The following FAM227A variants were observed in gnomAD, a reference collection of about 807,000 sequenced individuals.
FAM227A encodes protein FAM227A.
In FAM227A, 80 loss-of-function variants were observed where a neutral mutation model predicts 74.7. That is an observed-to-expected ratio of 1.07 (90% CI 0.89 to 1.29). FAM227A has a LOEUF of 1.29. Ranked by LOEUF, FAM227A falls within the 50% of genes most tolerant of loss-of-function variation. The pLI is 0.00. For synonymous variants in FAM227A, 237 were observed against 241.8 expected (o/e 0.98, Z 0.19); for missense variants, 654 against 683.4 (o/e 0.96, Z 0.48).
intron 10 of FAM227A, 27 bp from the exon 11 acceptor site, chr22:38,620,318 A>G: frequency 6.7e-7 from 1 of 1,498,766 alleles, no homozygotes; most frequent in Non-Finnish European, 9.1e-7. Flanking sequence ...GCTGTTATTA[A>G]TTCCTCTTGT....
chr22:38,631,451 G>A (rs2091913923), intron 6 of FAM227A, among the ~76,000 whole-genome samples: 1 of 152,060 alleles, frequency 6.6e-6, no homozygotes, highest in Admixed American at 6.6e-5. Context: ...TTGTTATTTG[G>A]GAAATGGGTT....
chr22:38,595,738 A>G (rs2091028776), intron 15 of FAM227A, among the ~76,000 whole-genome samples: 1 of 152,252 alleles, frequency 6.6e-6, no homozygotes, highest in Non-Finnish European at 1.5e-5. Flanking sequence ...CTGACATGAT[A>G]TGCCTCCTAA....
intron 14 of FAM227A, among the ~76,000 whole-genome samples, chr22:38,598,128 G>A (rs768579816): frequency 3.3e-5 from 5 of 149,856 alleles, no homozygotes; most frequent in South Asian, 2.1e-4. Flanking sequence ...AGCTACACTC[G>A]CCACAAGCTG....
In FAM227A at chr22:38,582,755, C is replaced by T. The variant is rs1366174504; in HGVS notation, c.*3370G>A. ...CTTGCTGTATGGGGGCTAATAGTAG[C>T]GGTGGATAGGTAGACAGGCAATTCC... is the stretch of plus-strand genomic sequence containing the variant. On this transcript the variant is annotated 3_prime_UTR_variant, in exon 17 of 17. Coordinates refer to ENST00000535113, the MANE Select transcript of FAM227A (RefSeq NM_001013647.2). 7 of 1,400,894 alleles carry T rather than the reference C, an allele frequency of 5.0e-6. No individual in the cohort carries two copies. Among genetic ancestry groups the T allele is most frequent in the East Asian group, 5.0e-5 (2 of 40,102 alleles). 86.8% of individuals were successfully genotyped at this position (1,400,894 alleles called of 1,614,324 possible). A position where few individuals can be genotyped will look rare whatever the true frequency, so the allele number is the denominator to read the frequency against.
At chr22:38,619,438 C>T (rs2091641690) in intron 11 of FAM227A, among the ~76,000 whole-genome samples, 1 of 152,194 alleles carries the variant, frequency 6.6e-6, no homozygotes, top group Admixed American at 6.5e-5. Context: ...ATTCTTGTGC[C>T]TCAGCCTCCT....
chr22:38,594,118 G>A (rs900576985), intron 15 of FAM227A, among the ~76,000 whole-genome samples: 12 of 152,106 alleles, frequency 7.9e-5, no homozygotes, highest in African/African-American at 2.9e-4. Flanking sequence ...TCCCCTTCAC[G>A]TCCCAGGCTC....
At chr22:38,629,573 G>A (rs2091875867) in intron 6 of FAM227A, among the ~76,000 whole-genome samples, 2 of 152,272 alleles carry the variant, frequency 1.3e-5, no homozygotes, top group Non-Finnish European at 1.5e-5. Flanking sequence ...AGGAAAGTAA[G>A]GACTGAAAGG....
rs998203159 is a variant in FAM227A, at chr22:38,583,041, G to C, written c.*3084C>G. 7.1e-7 allele frequency: 1 copy of C among 1,399,916 alleles called. No homozygotes were observed. The highest frequency in any genetic ancestry group is 1.4e-5 in the African/African-American group (1 of 70,132). The allele number at this position is 1,399,916 out of a possible 1,614,324, so 86.7% of individuals were successfully genotyped here. A position where few individuals can be genotyped will look rare whatever the true frequency, so the allele number is the denominator to read the frequency against. ...GAAATAGGAAAGTGTGGTTCCTAGA[G>C]AAACTGCAAATGAAGAGTTGACAGT... is the stretch of plus-strand genomic sequence containing the variant. On this transcript the variant is annotated 3_prime_UTR_variant, in exon 17 of 17. Transcript: ENST00000535113.
chr22:38,613,228 T>TCA, intron 11 of FAM227A, among the ~76,000 whole-genome samples: 1 of 56,054 alleles, frequency 1.8e-5, no homozygotes, highest in East Asian at 5.4e-4. Context: ...TGTATATATA[T>TCA]TATATATATA....
intron 11 of FAM227A, among the ~76,000 whole-genome samples, chr22:38,616,099 T>C (rs903728059): frequency 4.0e-5 from 6 of 151,508 alleles, no homozygotes; most frequent in Admixed American, 2.6e-4. Flanking sequence ...TGGGAAAGAG[T>C]AGACTGACAG....
chr22:38,630,994 C>G (rs970282244), intron 6 of FAM227A, among the ~76,000 whole-genome samples: 7 of 152,078 alleles, frequency 4.6e-5, no homozygotes, highest in Admixed American at 3.3e-4. Context: ...GTGGTGAAAC[C>G]CTGTCTCTAC....
intron 12 of FAM227A, among the ~76,000 whole-genome samples, chr22:38,605,631 C>T (rs2091267798): frequency 6.6e-6 from 1 of 152,178 alleles, no homozygotes; most frequent in Non-Finnish European, 1.5e-5. Flanking sequence ...TAAATAAATG[C>T]TCATATTAGA....
At chr22:38,598,136 C>G (rs1443477882) in intron 14 of FAM227A, among the ~76,000 whole-genome samples, 1 of 152,064 alleles carries the variant, frequency 6.6e-6, no homozygotes, top group Non-Finnish European at 1.5e-5. Flanking sequence ...TCGCCACAAG[C>G]TGTGGGACCT....
intron 3 of FAM227A, 74 bp downstream of exon 3, chr22:38,645,489 C>CT: frequency 1.1e-6 from 1 of 949,054 alleles, no homozygotes; most frequent in South Asian, 1.5e-5. Context: ...CCCCAGGGCA[C>CT]TGCAACACCT....
intron 10 of FAM227A, among the ~76,000 whole-genome samples, chr22:38,621,170 C>T (rs1249491863): frequency 6.6e-6 from 1 of 151,832 alleles, no homozygotes; most frequent in Non-Finnish European, 1.5e-5. Flanking sequence ...AACCCTGTCT[C>T]ACCCTGTATT....
intron 11 of FAM227A, among the ~76,000 whole-genome samples, chr22:38,613,286 T>C (rs1192335091): frequency 1.3e-5 from 1 of 74,326 alleles, no homozygotes; most frequent in Non-Finnish European, 2.4e-5. Context: ...ATATCATATA[T>C]AATATATATC....
chr22:38,602,100 C>A (rs1260883782), intron 13 of FAM227A, among the ~76,000 whole-genome samples: 2 of 152,284 alleles, frequency 1.3e-5, no homozygotes, highest in East Asian at 3.9e-4. Flanking sequence ...TGCAGCAGTA[C>A]CCAATCACAC....
At chr22:38,626,891 A>AAAAAAAATATATATATATAT (rs1555966996) in intron 8 of FAM227A, among the ~76,000 whole-genome samples, 1 of 57,688 alleles carries the variant, frequency 1.7e-5, no homozygotes, top group African/African-American at 8.7e-5. Flanking sequence ...AAAAAAAAAA[A>AAAAAAAATATATATATATAT]ATATATATAT....
chr22:38,624,826 C>T (rs2091763093), intron 9 of FAM227A, among the ~76,000 whole-genome samples: 2 of 152,120 alleles, frequency 1.3e-5, no homozygotes, highest in South Asian at 2.1e-4. Flanking sequence ...CAAACTCTAC[C>T]TTTTTCCCTT....
Sources: allele counts gnomAD v4.1 joint callset (sites outside exome capture counted in the v4.1 genomes callset), GRCh38; gene constraint gnomAD v4.1.1; transcripts MANE v1.5; gene names NCBI Gene and HGNC (gene_info 2026-07-23, HGNC 2026-07-21).